The following P4HA1 variants were observed in gnomAD, a reference collection of about 807,000 sequenced individuals.
P4HA1 encodes the protein prolyl 4-hydroxylase subunit alpha-1.
In P4HA1, 24 loss-of-function variants were observed where a neutral mutation model predicts 72.8. That is an observed-to-expected ratio of 0.33 (90% CI 0.24 to 0.46). P4HA1 has a LOEUF of 0.46. P4HA1 is among the 20% of genes least tolerant of loss of function. The pLI is 1.00. For synonymous variants in P4HA1, 201 were observed against 218.8 expected, an observed-to-expected ratio of 0.92 and a Z score of 0.72; for missense variants, 446 against 640.6, an observed-to-expected ratio of 0.70 and a Z score of 3.28.
At chr10:73,050,699 CA>C (rs11389497) in intron 7 of P4HA1, among the ~76,000 whole-genome samples, 1,240 of 106,182 alleles carry the variant, frequency 0.012, 2 homozygotes, top group African/African-American at 0.018. Flanking sequence ...GACTCCATCT[CA>C]AAAAAAAAAA....
At chr10:73,025,938 C>T (rs1193463072) in intron 10 of P4HA1, among the ~76,000 whole-genome samples, 3 of 152,130 alleles carry the variant, frequency 2.0e-5, no homozygotes, top group Non-Finnish European at 2.9e-5. Context: ...AACTACAAAC[C>T]ACTGCTCAAC....
chr10:73,027,898 G>T lies in P4HA1; in HGVS notation c.1248+2373C>A, dbSNP rs1439931186. Among the ~76,000 whole-genome samples, 6 of 148,812 alleles carry T rather than the reference G, an allele frequency of 4.0e-5. No individual in the cohort carries two copies. The East Asian group carries it at 1.0e-3, about 25-fold the overall frequency. ...GGAGGGAGGGAGGGACAGAGGGAGGGAGGGAAGAATCAGAAATCATAGCCA... is the reference window on the plus strand; with the variant it reads ...GGAGGGAGGGAGGGACAGAGGGAGGTAGGGAAGAATCAGAAATCATAGCCA... On this transcript the variant is annotated intron_variant, in intron 10 of 14. Coordinates refer to ENST00000394890, the MANE Select transcript of P4HA1 (RefSeq NM_001017962.3).
At chr10:73,012,935 A>AC (rs1839940104) in intron 12 of P4HA1, among the ~76,000 whole-genome samples, 1 of 152,010 alleles carries the variant, frequency 6.6e-6, no homozygotes, top group Admixed American at 6.6e-5. Flanking sequence ...AGCTGGTACT[A>AC]CAGGTGTGTG....
intron 10 of P4HA1, among the ~76,000 whole-genome samples, chr10:73,017,941 A>C (rs1042220274): frequency 6.6e-6 from 1 of 152,202 alleles, no homozygotes; most frequent in African/African-American, 2.4e-5. Flanking sequence ...ATGAAACCAG[A>C]AGGAGAATAC....
intron 10 of P4HA1, among the ~76,000 whole-genome samples, chr10:73,025,313 T>C (rs1429391849): frequency 7.2e-5 from 11 of 152,188 alleles, no homozygotes; most frequent in Non-Finnish European, 1.3e-4. Flanking sequence ...TGGTTCAACA[T>C]ACACAAATCA....
rs1840551622 is a variant in P4HA1 at position 73,035,620 on chromosome 10, TC to T, written c.1149-5251del. ...AATAATAGGTTATTTCTAATTTTTC[TC>T]TGTTATAAACAATATTGTAACAAAA... On this transcript the variant is annotated intron_variant, in intron 9 of 14. Transcript: ENST00000394890. Among the ~76,000 whole-genome samples, 2 of 152,050 alleles carry T rather than the reference TC, an allele frequency of 1.3e-5. 1 individual carries two copies. The highest frequency in any genetic ancestry group is 4.1e-4 in the South Asian group (2 of 4,838).
intron 12 of P4HA1, among the ~76,000 whole-genome samples, chr10:73,013,648 C>A (rs1839955756): frequency 6.6e-6 from 1 of 152,092 alleles, no homozygotes; most frequent in Non-Finnish European, 1.5e-5. Context: ...ACAAACACTA[C>A]AATCAAAACT....
chr10:73,083,653 T>C (rs1047012562), intron 1 of P4HA1, among the ~76,000 whole-genome samples: 2 of 152,196 alleles, frequency 1.3e-5, no homozygotes, highest in African/African-American at 2.4e-5. Context: ...TTTACCTTTT[T>C]CTGGCACTCT....
intron 1 of P4HA1, among the ~76,000 whole-genome samples, chr10:73,077,790 G>A (rs563346656): frequency 3.2e-4 from 49 of 150,790 alleles, no homozygotes; most frequent in Non-Finnish European, 5.9e-4. Flanking sequence ...AGACCAGGCC[G>A]GGCAACATAG....
At chr10:73,058,774 CTTTTTTTTTT>C (rs151028824) in intron 5 of P4HA1, among the ~76,000 whole-genome samples, 1 of 123,828 alleles carries the variant, frequency 8.1e-6, no homozygotes, top group African/African-American at 3.2e-5. Context: ...TTATAGTATG[CTTTTTTTTTT>C]TTTTTTTTTT....
intron 1 of P4HA1, among the ~76,000 whole-genome samples, chr10:73,084,394 G>A (rs757085804): frequency 6.6e-6 from 1 of 152,198 alleles, no homozygotes; most frequent in Non-Finnish European, 1.5e-5. Context: ...CAGGGCTCAA[G>A]TGATCCTTCC....
chr10:73,067,739 T>A (rs1841461023), intron 5 of P4HA1, among the ~76,000 whole-genome samples: 1 of 152,204 alleles, frequency 6.6e-6, no homozygotes, highest in African/African-American at 2.4e-5. Flanking sequence ...ATTTTTTTAA[T>A]GTGTATCTTC....
intron 9 of P4HA1, among the ~76,000 whole-genome samples, chr10:73,039,827 T>G (rs912297942): frequency 6.6e-6 from 1 of 151,744 alleles, no homozygotes; most frequent in Non-Finnish European, 1.5e-5. Context: ...GAACACGAAT[T>G]TTCTTCCATT....
intron 5 of P4HA1, among the ~76,000 whole-genome samples, chr10:73,054,190 G>C (rs1841081918): frequency 6.6e-6 from 1 of 152,134 alleles, no homozygotes; most frequent in South Asian, 2.1e-4. Context: ...ACAGGCATAA[G>C]CCACCGCGCC....
intron 10 of P4HA1, among the ~76,000 whole-genome samples, chr10:73,027,224 T>C (rs1322525083): frequency 2.0e-5 from 3 of 151,992 alleles, no homozygotes; most frequent in South Asian, 4.1e-4. Context: ...ATAGACTGGA[T>C]TAAGAAAATG....
At chr10:73,086,810 G>A (rs1365301810) in intron 1 of P4HA1, among the ~76,000 whole-genome samples, 4 of 151,722 alleles carry the variant, frequency 2.6e-5, no homozygotes, top group South Asian at 2.1e-4. Flanking sequence ...GCACATGCCT[G>A]TAAATCCCAG....
chr10:73,010,192 T>G (rs1337108892), intron 13 of P4HA1, among the ~76,000 whole-genome samples: 1 of 152,096 alleles, frequency 6.6e-6, no homozygotes, highest in Non-Finnish European at 1.5e-5. Flanking sequence ...GGTCTCGAAC[T>G]CCTAACCTCA....
At chr10:73,033,078 CA>C (rs1840477389) in intron 9 of P4HA1, among the ~76,000 whole-genome samples, 1 of 152,154 alleles carries the variant, frequency 6.6e-6, no homozygotes, top group Admixed American at 6.5e-5. Context: ...TAATTCTGCC[CA>C]AGTTCCTGGT....
intron 1 of P4HA1, among the ~76,000 whole-genome samples, chr10:73,093,464 A>G (rs571308047): frequency 6.6e-6 from 1 of 152,280 alleles, no homozygotes; most frequent in Admixed American, 6.5e-5. Flanking sequence ...TTTAGGTACA[A>G]TACTTATTCA....
Sources: gnomAD v4.1 joint callset for allele counts (sites outside exome capture counted in the v4.1 genomes callset) on GRCh38, gnomAD v4.1.1 for gene constraint, MANE v1.5 for transcripts, NCBI Gene and HGNC (gene_info 2026-07-23, HGNC 2026-07-21) for gene names.